PAK1: variants seen among roughly 807,000 people sequenced by gnomAD.
PAK1 encodes the protein p21 (RAC1) activated kinase 1, also known as serine/threonine-protein kinase PAK 1.
In PAK1, 29 loss-of-function variants were observed where a neutral mutation model predicts 67.4. That is an observed-to-expected ratio of 0.43 (90% CI 0.32 to 0.59). The LOEUF is 0.59. PAK1 is among the 20% of genes least tolerant of loss of function. The probability of loss-of-function intolerance (pLI) is 0.07; values close to 1 mark genes in which losing one functional copy is unlikely to be tolerated. For missense variants in PAK1, 337 were observed against 670.7 expected (o/e 0.50, Z 5.50); for synonymous variants, 223 against 237.4 (o/e 0.94, Z 0.56).
At chr11:77,331,950 A>G (rs1941638448) in intron 14 of PAK1, among the ~76,000 whole-genome samples, 1 of 152,074 alleles carries the variant, frequency 6.6e-6, no homozygotes, top group Non-Finnish European at 1.5e-5. Context: ...CCGTTTCTCA[A>G]CAAGACTCAA....
the PAK1 span, among the ~76,000 whole-genome samples, chr11:77,490,485 C>T: frequency 4.0e-5 from 6 of 148,386 alleles, no homozygotes; most frequent in Non-Finnish European, 7.5e-5. Context: ...CCCGGCCAGC[C>T]GCCCCGTCCG....
At chr11:77,436,641 A>G (rs2138389572) in intron 1 of PAK1, among the ~76,000 whole-genome samples, 1 of 152,374 alleles carries the variant, frequency 6.6e-6, no homozygotes, top group East Asian at 1.9e-4. Context: ...CAGATGTTAA[A>G]GAAATAAACA....
At chr11:77,347,785 T>C (rs1944653728) in intron 9 of PAK1, among the ~76,000 whole-genome samples, 1 of 152,214 alleles carries the variant, frequency 6.6e-6, no homozygotes. Flanking sequence ...TGAATAAATA[T>C]GAATATGTAG....
At chr11:77,524,417 C>T in the PAK1 span, among the ~76,000 whole-genome samples, 2 of 152,234 alleles carry the variant, frequency 1.3e-5, no homozygotes, top group Non-Finnish European at 2.9e-5. Context: ...CCTAGCATGC[C>T]TCATGCCACG....
intron 1 of PAK1, among the ~76,000 whole-genome samples, chr11:77,429,130 A>C (rs746070656): frequency 8.1e-5 from 12 of 147,530 alleles, no homozygotes; most frequent in Non-Finnish European, 1.5e-4. Context: ...TGGCTGGTAT[A>C]GAGAAAGTAC....
intron 2 of PAK1, 96 bp from the exon 3 acceptor site, chr11:77,380,090 G>T (rs1729407053): frequency 1.2e-6 from 1 of 802,496 alleles, no homozygotes; most frequent in Non-Finnish European, 2.0e-6. Flanking sequence ...TCCTTGAGAG[G>T]GCAAAGTCTA....
At chr11:77,412,366 A>C (rs1034712613) in intron 1 of PAK1, among the ~76,000 whole-genome samples, 1 of 152,164 alleles carries the variant, frequency 6.6e-6, no homozygotes, top group African/African-American at 2.4e-5. Flanking sequence ...ATGCTCCAGG[A>C]AGAATGCTAG....
intron 1 of PAK1, among the ~76,000 whole-genome samples, chr11:77,439,050 T>C (rs929675779): frequency 6.6e-6 from 1 of 152,198 alleles, no homozygotes; most frequent in Non-Finnish European, 1.5e-5. Context: ...TAAGCCTGTT[T>C]CCTCATGTGA....
rs566874549 is a variant in PAK1 at position 77,429,056 on chromosome 11, T to TAAAAAAAAAAAAAAAAAAAAAA, written c.-21-36537_-21-36516dup. Among the ~76,000 whole-genome samples the TAAAAAAAAAAAAAAAAAAAAAA allele has an allele frequency of 5.9e-4, 29 of 48,994 alleles. 5 individuals carry two copies. Among genetic ancestry groups the TAAAAAAAAAAAAAAAAAAAAAA allele is most frequent in the Admixed American group, 1.2e-3 (4 of 3,420 alleles). 32.1% of individuals were successfully genotyped at this position (48,994 alleles called of 152,430 possible). A position where few individuals can be genotyped will look rare whatever the true frequency, so the allele number is the denominator to read the frequency against. Reference sequence around the variant, plus strand: ...TTGGATTCTAAATGCCATTTAATACTAAAAAAAAAAAAAAAAAAAAAAAAA... The same window carrying TAAAAAAAAAAAAAAAAAAAAAA: ...TTGGATTCTAAATGCCATTTAATACTAAAAAAAAAAAAAAAAAAAAAAAAAAAAAAAAAAAAAAAAAAAAAAA... On this transcript the variant is annotated intron_variant, in intron 1 of 14. Coordinates refer to ENST00000356341, the MANE Select transcript of PAK1 (RefSeq NM_002576.5).
intron 1 of PAK1, among the ~76,000 whole-genome samples, chr11:77,424,464 A>G (rs1955447373): frequency 1.3e-5 from 2 of 152,226 alleles, no homozygotes; most frequent in South Asian, 4.1e-4. Flanking sequence ...ACTGTACAGT[A>G]AAAACAAATG....
chr11:77,509,134 T>G, the PAK1 span, among the ~76,000 whole-genome samples: 1 of 151,790 alleles, frequency 6.6e-6, no homozygotes, highest in East Asian at 2.0e-4. Flanking sequence ...GGTGAGGGCC[T>G]GTAGTCCCAG....
chr11:77,444,846 G>A (rs1956523965), intron 1 of PAK1, among the ~76,000 whole-genome samples: 1 of 152,088 alleles, frequency 6.6e-6, no homozygotes, highest in African/African-American at 2.4e-5. Context: ...AGTGTCCTCT[G>A]ATGGAGGTCT....
At chr11:77,392,217 AG>A in intron 2 of PAK1, 113 bp downstream of exon 2, 2 of 767,288 alleles carry the variant, frequency 2.6e-6, no homozygotes, top group South Asian at 4.7e-5. Flanking sequence ...ATATTTAACC[AG>A]AAAGAAAACA....
chr11:77,355,634 C>T (rs377161472), intron 7 of PAK1, 34 bp downstream of exon 7: 12 of 1,574,412 alleles, frequency 7.6e-6, no homozygotes, highest in East Asian at 2.2e-5. Flanking sequence ...AGTCATAAAA[C>T]GAAGAAAGGT....
At chr11:77,410,468 GAA>G (rs1954335354) in intron 1 of PAK1, among the ~76,000 whole-genome samples, 1 of 152,148 alleles carries the variant, frequency 6.6e-6, no homozygotes, top group African/African-American at 2.4e-5. Flanking sequence ...GAGTTAGGTA[GAA>G]AACAATGTTT....
chr11:77,465,096 T>C (rs899308499), intron 1 of PAK1, among the ~76,000 whole-genome samples: 1 of 152,066 alleles, frequency 6.6e-6, no homozygotes, highest in Non-Finnish European at 1.5e-5. Flanking sequence ...CATAGTCAAC[T>C]AAGTCAATTA....
chr11:77,508,909 C>T, the PAK1 span, among the ~76,000 whole-genome samples: 1 of 148,310 alleles, frequency 6.7e-6, no homozygotes, highest in African/African-American at 2.4e-5. Context: ...ATCCGCCCGC[C>T]TCGGCCTCCC....
At chr11:77,395,426 T>C (rs1253273463) in intron 1 of PAK1, among the ~76,000 whole-genome samples, 3 of 152,200 alleles carry the variant, frequency 2.0e-5, no homozygotes, top group Non-Finnish European at 4.4e-5. Context: ...TAAAGATATA[T>C]ACCTTGCCTT....
At chr11:77,521,408 A>G in the PAK1 span, among the ~76,000 whole-genome samples, 797 of 152,254 alleles carry the variant, frequency 5.2e-3, 7 homozygotes, top group African/African-American at 0.018. Flanking sequence ...GCATGCCTGT[A>G]ATACCAGCTA....
Sources: gnomAD v4.1 joint callset for allele counts (sites outside exome capture counted in the v4.1 genomes callset) on GRCh38, gnomAD v4.1.1 for gene constraint, MANE v1.5 for transcripts, NCBI Gene and HGNC (gene_info 2026-07-23, HGNC 2026-07-21) for gene names.